Variants in LRP1B observed in about 807,000 individuals in gnomAD.
LRP1B encodes the protein LDL receptor related protein 1B, also known as low-density lipoprotein receptor-related protein 1B.
A neutral mutation model predicts 556.6 loss-of-function variants in LRP1B; 217 were observed. The ratio of observed to expected loss-of-function variants is 0.39; its 90% CI spans 0.35 to 0.44. The LOEUF (loss-of-function observed/expected upper bound fraction) is 0.44. Among genes scored for constraint, LRP1B ranks in the 20% least tolerant of loss-of-function variants. The probability of loss-of-function intolerance (pLI) is 1.00; values close to 1 mark genes in which losing one functional copy is unlikely to be tolerated. For missense variants in LRP1B, 5,053 were observed against 5,620.8 expected (o/e 0.90, Z 3.23); for synonymous variants, 2,047 against 1,865.8 (o/e 1.10, Z -2.50).
intron 55 of LRP1B, among the ~76,000 whole-genome samples, chr2:140,498,672 C>T (rs1689050501): frequency 6.6e-6 from 1 of 151,942 alleles, no homozygotes; most frequent in South Asian, 2.1e-4. Flanking sequence ...ACAGAGAAAT[C>T]TATCAGCTCA....
intron 53 of LRP1B, 130 bp from the exon 54 acceptor site, chr2:140,503,233 C>A (rs559588639): frequency 5.2e-5 from 43 of 826,514 alleles, no homozygotes; most frequent in East Asian, 3.7e-4. Context: ...TTTCTCATTT[C>A]TTTCTGTAAC....
intron 2 of LRP1B, among the ~76,000 whole-genome samples, chr2:141,498,795 A>C (rs1420819042): frequency 6.6e-6 from 1 of 152,068 alleles, no homozygotes; most frequent in Non-Finnish European, 1.5e-5. Context: ...TCTCTGCCAC[A>C]GACATTCTCT....
At chr2:141,640,452 T>C (rs1296922484) in intron 2 of LRP1B, among the ~76,000 whole-genome samples, 1 of 152,220 alleles carries the variant, frequency 6.6e-6, no homozygotes, top group Non-Finnish European at 1.5e-5. Context: ...TTTTATCACA[T>C]GACACTTTCT....
At chr2:141,381,475 C>T (rs1366805072) in intron 3 of LRP1B, among the ~76,000 whole-genome samples, 1 of 151,808 alleles carries the variant, frequency 6.6e-6, no homozygotes, top group African/African-American at 2.4e-5. Context: ...GGACAGAAGG[C>T]TTACTTGAAA....
intron 66 of LRP1B, among the ~76,000 whole-genome samples, chr2:140,435,215 T>A (rs527785413): frequency 6.6e-6 from 1 of 152,174 alleles, no homozygotes; most frequent in African/African-American, 2.4e-5. Context: ...GAGGTAGAAC[T>A]TTTAAATCTC....
chr2:140,650,360 T>C (rs1684638243), intron 41 of LRP1B, among the ~76,000 whole-genome samples: 1 of 124,834 alleles, frequency 8.0e-6, no homozygotes, highest in African/African-American at 3.0e-5. Context: ...TTTATTTATT[T>C]ATTTTTGAGA....
chr2:140,357,313 C>T (rs900222095), intron 74 of LRP1B, among the ~76,000 whole-genome samples: 1 of 151,408 alleles, frequency 6.6e-6, no homozygotes, highest in Non-Finnish European at 1.5e-5. Context: ...GGTTTAGACA[C>T]ATGCAGCCAT....
chr2:141,422,044 T>A lies in LRP1B; in HGVS notation c.343+58352A>T, dbSNP rs368328192. On this transcript the variant is annotated intron_variant, in intron 3 of 90. Coordinates refer to ENST00000389484, the MANE Select transcript of LRP1B (RefSeq NM_018557.3). ...GCCTAAATAAGGCCTGACACATAGA[T>A]GGTCAGGAAACAGTTTTTTATGAAT... Among the ~76,000 whole-genome samples, 3 of 152,198 alleles carry A rather than the reference T, an allele frequency of 2.0e-5. No individual in the cohort carries two copies. In the South Asian group the frequency reaches 6.2e-4, roughly 31 times the overall value.
intron 1 of LRP1B, among the ~76,000 whole-genome samples, chr2:141,953,314 C>T (rs1390961783): frequency 6.6e-6 from 1 of 152,008 alleles, no homozygotes; most frequent in Non-Finnish European, 1.5e-5. Flanking sequence ...CCTATTTATA[C>T]AATTACTTTT....
chr2:140,951,110 G>C (rs1204372311), intron 19 of LRP1B, among the ~76,000 whole-genome samples: 2 of 152,026 alleles, frequency 1.3e-5, no homozygotes, highest in African/African-American at 2.4e-5. Context: ...AATTATTGTG[G>C]AAGATTATTA....
At chr2:141,922,517 G>C (rs1167983010) in intron 1 of LRP1B, among the ~76,000 whole-genome samples, 1 of 152,154 alleles carries the variant, frequency 6.6e-6, no homozygotes, top group South Asian at 2.1e-4. Context: ...ACAGCTCATT[G>C]TGAGTATTTT....
chr2:142,059,174 C>T (rs2104888270), intron 1 of LRP1B, among the ~76,000 whole-genome samples: 1 of 152,072 alleles, frequency 6.6e-6, no homozygotes, highest in African/African-American at 2.4e-5. Context: ...TGTGAATGGG[C>T]ACAAGGTTTC....
chr2:141,850,583 GTA>G lies in LRP1B; in HGVS notation c.83-40184_83-40183del, dbSNP rs70994457. Among the ~76,000 whole-genome samples, 146 of 142,286 alleles carry G rather than the reference GTA, an allele frequency of 1.0e-3. 1 individual carries two copies. Among genetic ancestry groups the G allele is most frequent in the Admixed American group, 2.2e-3 (31 of 14,002 alleles). 93.3% of individuals were successfully genotyped at this position (142,286 alleles called of 152,430 possible). ...TGTGTGTGTGTGTATATGTGTGTAT[GTA>G]TATATATATATATATAGTTCTGCCC... On this transcript the variant is annotated intron_variant, in intron 1 of 90. Coordinates refer to ENST00000389484, the MANE Select transcript of LRP1B (RefSeq NM_018557.3).
intron 3 of LRP1B, among the ~76,000 whole-genome samples, chr2:141,279,993 C>A (rs770212269): frequency 6.6e-5 from 10 of 152,054 alleles, no homozygotes; most frequent in Non-Finnish European, 1.3e-4. Context: ...CTTCTACCAG[C>A]AGATTTGTGC....
intron 3 of LRP1B, among the ~76,000 whole-genome samples, chr2:141,446,802 C>T (rs1289813404): frequency 6.6e-6 from 1 of 152,138 alleles, no homozygotes; most frequent in Non-Finnish European, 1.5e-5. Flanking sequence ...GATGGGATTT[C>T]CTTTGTGGGT....
At chr2:141,759,547 T>G (rs1378772306) in intron 2 of LRP1B, among the ~76,000 whole-genome samples, 1 of 152,162 alleles carries the variant, frequency 6.6e-6, no homozygotes, top group Admixed American at 6.5e-5. Context: ...AGAAGAATAT[T>G]TATCAAAACT....
chr2:141,972,387 GTTC>G (rs1332414620), intron 1 of LRP1B, among the ~76,000 whole-genome samples: 3 of 151,480 alleles, frequency 2.0e-5, no homozygotes, highest in South Asian at 4.1e-4. Context: ...TTCAAAGCTA[GTTC>G]TTTATACTAC....
intron 7 of LRP1B, among the ~76,000 whole-genome samples, chr2:141,158,676 G>A (rs532829314): frequency 1.3e-5 from 2 of 152,202 alleles, no homozygotes; most frequent in African/African-American, 4.8e-5. Flanking sequence ...GTACTAAGCA[G>A]CTACAGTATA....
At chr2:141,950,178 A>G (rs1398504351) in intron 1 of LRP1B, among the ~76,000 whole-genome samples, 5 of 152,164 alleles carry the variant, frequency 3.3e-5, no homozygotes, top group Non-Finnish European at 5.9e-5. Flanking sequence ...TATTTTCTAG[A>G]TAGGCTTTAA....
Sources: allele counts gnomAD v4.1 joint callset (sites outside exome capture counted in the v4.1 genomes callset), GRCh38; gene constraint gnomAD v4.1.1; transcripts MANE v1.5; gene names NCBI Gene and HGNC (gene_info 2026-07-23, HGNC 2026-07-21).